The following HNRNPL variants were observed in gnomAD, a reference collection of about 807,000 sequenced individuals.
HNRNPL encodes the protein heterogeneous nuclear ribonucleoprotein L.
A neutral mutation model predicts 64.0 loss-of-function variants in HNRNPL; 12 were observed. The ratio of observed to expected loss-of-function variants is 0.19; its 90% CI spans 0.12 to 0.30. The LOEUF is 0.30. HNRNPL is among the 10% of genes least tolerant of loss of function. HNRNPL has a pLI of 1.00. For synonymous variants in HNRNPL, 385 were observed against 313.0 expected, an observed-to-expected ratio of 1.23 and a Z score of -2.43; for missense variants, 484 against 797.4, an observed-to-expected ratio of 0.61 and a Z score of 4.73.
intron 4 of HNRNPL, 100 bp downstream of exon 4, chr19:38,845,545 GCCACT>G (rs1329690322): frequency 1.1e-6 from 1 of 885,194 alleles, no homozygotes; most frequent in Non-Finnish European, 1.9e-6. Context: ...GCACATGGCA[GCCACT>G]CCCGTGGTCA....
At chr19:38,840,996 C>T (rs772712631) in intron 6 of HNRNPL, 7 of 194,266 alleles carry the variant, frequency 3.6e-5, no homozygotes, top group Middle Eastern at 2.0e-3. Flanking sequence ...CAAGTTTGAC[C>T]CCCAAAGCCC....
Position 38,843,990 on chromosome 19 carries a change from G to A in HNRNPL, c.807+18C>T, listed in dbSNP as rs1167746264. On this transcript the variant is annotated intron_variant, in intron 5 of 12. Transcript: ENST00000221419. ...CCTGGAAGCTGACAAGGGGCAGTCA[G>A]TCACCTCCCAGATGTACCTTTGCGT... 1 of 1,609,082 alleles carries A rather than the reference G, an allele frequency of 6.2e-7. No individual in the cohort carries two copies. The highest frequency in any genetic ancestry group is 1.7e-5 in the Admixed American group (1 of 60,012).
chr19:38,847,517 G>A, intron 1 of HNRNPL, 83 bp from the exon 2 acceptor site: 1 of 740,806 alleles, frequency 1.3e-6, no homozygotes, highest in Non-Finnish European at 2.1e-6. Context: ...TGTAGACCCA[G>A]TCAGATAAAA....
At chr19:38,844,271 G>A (rs1224868180) in intron 4 of HNRNPL, among the ~76,000 whole-genome samples, 167 bp from the exon 5 acceptor site, 3 of 152,118 alleles carry the variant, frequency 2.0e-5, no homozygotes, top group Non-Finnish European at 2.9e-5. Flanking sequence ...AGACCAAAAC[G>A]GTGTTGATGG....
At chr19:38,839,282 T>C in intron 8 of HNRNPL, 1 of 444,716 alleles carries the variant, frequency 2.2e-6, no homozygotes, top group South Asian at 2.3e-5. Context: ...GAATCAGAAA[T>C]CAAATCAGCC....
At chr19:38,850,484 G>A (rs1287275697), upstream of HNRNPL, among the ~76,000 whole-genome samples, 1 of 152,186 alleles carries the variant, frequency 6.6e-6, no homozygotes, top group Non-Finnish European at 1.5e-5. Context: ...ATGGAGAGTG[G>A]AGCGCACCCT....
upstream of HNRNPL, among the ~76,000 whole-genome samples, chr19:38,851,563 G>A (rs993630099): frequency 3.3e-5 from 5 of 152,186 alleles, no homozygotes; most frequent in African/African-American, 1.2e-4. Context: ...CTTTCTGCCC[G>A]GCTGATGGGG....
At chr19:38,840,037 T>C (rs999681084) in intron 8 of HNRNPL, 59 bp downstream of exon 8, 2 of 1,555,904 alleles carry the variant, frequency 1.3e-6, no homozygotes, top group East Asian at 2.2e-5. Flanking sequence ...TTCTTTCCCG[T>C]GCTGACTGGC....
chr19:38,844,900 G>A (rs1972239021), intron 4 of HNRNPL: 1 of 151,824 alleles, frequency 6.6e-6, no homozygotes, highest in Non-Finnish European at 1.5e-5. Flanking sequence ...TTAGCGACAG[G>A]GTTTCACCAC....
Position 38,837,583 on chromosome 19 carries a change from A to T in HNRNPL, c.1615+11T>A. On this transcript the variant is annotated intron_variant, in intron 11 of 12. Transcript: ENST00000221419. ...GCAATTAGGGCAAGGAGGTGGGCACACTCGACTCACTTTTGCCTGAGAATA... is the reference window on the plus strand; with the variant it reads ...GCAATTAGGGCAAGGAGGTGGGCACTCTCGACTCACTTTTGCCTGAGAATA... The T allele has an allele frequency of 6.2e-7, 1 of 1,614,094 alleles. No individual in the cohort carries two copies. The highest frequency in any genetic ancestry group is 8.5e-7 in the Non-Finnish European group (1 of 1,179,950).
At chr19:38,841,202 C>G in intron 6 of HNRNPL, 1 of 262,530 alleles carries the variant, frequency 3.8e-6, no homozygotes, top group South Asian at 3.9e-5. Context: ...GCAGATCCAC[C>G]CCGACCCCAG....
chr19:38,843,876 A>C lies in HNRNPL; in HGVS notation c.846T>G (p.Thr282=). Residue 282 remains threonine (T), a synonymous_variant, in exon 6 of 13, where the codon ACT becomes ACG. Transcript: ENST00000221419. ...RLNVFKNDQD[T]WDYTNPNLSG... ...TGAGATTGGGGTTTGTGTAGTCCCA[A>C]GTATCCTGATCATTCTTGAACACAT... 2 of 1,614,216 alleles carry C rather than the reference A, an allele frequency of 1.2e-6. No homozygotes were observed. The highest frequency in any genetic ancestry group is 1.7e-6 in the Non-Finnish European group (2 of 1,180,020).
Position 38,847,333 on chromosome 19 carries a change from C to T in HNRNPL, c.369G>A (p.Gln123=), listed in dbSNP as rs1282709167. The T allele has an allele frequency of 6.6e-7, 1 of 1,526,542 alleles. No individual in the cohort carries two copies. Among genetic ancestry groups the T allele is most frequent in the African/African-American group, 1.4e-5 (1 of 71,218 alleles). The allele number at this position is 1,526,542 out of a possible 1,614,324, so 94.6% of individuals were successfully genotyped here. Residue 123 remains glutamine, a synonymous_variant, in exon 2 of 13, where the codon CAG becomes CAA. Coordinates refer to ENST00000221419, the MANE Select transcript of HNRNPL (RefSeq NM_001533.3). ...VVEADLVEAL[Q]EFGPISYVVV... is the part of the protein sequence containing the mutation. ...CCCAGTACCTGATGGGTCCAAACTC[C>T]TGCAAGGCCTCCACAAGGTCTGCTT...
chr19:38,846,146 G>A (rs1433665400), intron 2 of HNRNPL, 56 bp from the exon 3 acceptor site: 6 of 1,324,320 alleles, frequency 4.5e-6, no homozygotes, highest in East Asian at 2.3e-5. Context: ...CAGGAGGAGG[G>A]TATCATTTGA....
intron 6 of HNRNPL, chr19:38,843,478 G>A (rs1340468721): frequency 7.3e-6 from 2 of 274,474 alleles, no homozygotes; most frequent in African/African-American, 4.4e-5. Context: ...AGAACAAGAG[G>A]ACAATTCCTG....
chr19:38,843,144 G>C (rs985732089), intron 6 of HNRNPL, among the ~76,000 whole-genome samples: 2 of 152,092 alleles, frequency 1.3e-5, no homozygotes, highest in African/African-American at 2.4e-5. Context: ...GGCCTGGTCC[G>C]ACGTATCAGA....
intron 2 of HNRNPL, 60 bp from the exon 3 acceptor site, chr19:38,846,150 C>T (rs1042778048): frequency 4.6e-6 from 6 of 1,315,462 alleles, no homozygotes; most frequent in Non-Finnish European, 6.6e-6. Context: ...AGGAGGGTAT[C>T]ATTTGATTTT....
At chr19:38,851,653 C>G (rs1447282546), upstream of HNRNPL, among the ~76,000 whole-genome samples, 1 of 152,176 alleles carries the variant, frequency 6.6e-6, no homozygotes, top group Non-Finnish European at 1.5e-5. Context: ...AATCCCAGCA[C>G]TTGGGGAGGC....
chr19:38,849,465 A>T (rs1972424177), intron 1 of HNRNPL: 1 of 471,284 alleles, frequency 2.1e-6, no homozygotes, highest in Non-Finnish European at 3.4e-6. Flanking sequence ...CATTCGCCTC[A>T]CGAGCTACTT....
Sources: allele counts gnomAD v4.1 joint callset (sites outside exome capture counted in the v4.1 genomes callset), GRCh38; gene constraint gnomAD v4.1.1; transcripts MANE v1.5; gene names NCBI Gene and HGNC (gene_info 2026-07-23, HGNC 2026-07-21).